The following KDM1B variants were observed in gnomAD, a reference collection of about 807,000 sequenced individuals.
KDM1B encodes lysine-specific histone demethylase 2.
KDM1B carries 63 observed loss-of-function variants against 107.4 expected under a neutral mutation model. The observed-to-expected ratio is 0.59, with a 90% CI of 0.48 to 0.72. The LOEUF (loss-of-function observed/expected upper bound fraction) is 0.72. Ranked by LOEUF, KDM1B falls within the 30% of genes least tolerant of loss-of-function variation. KDM1B has a pLI of 0.00. For missense variants in KDM1B, 749 were observed against 1,020.8 expected (o/e 0.73, Z 3.63); for synonymous variants, 363 against 363.9 (o/e 1.00, Z 0.03).
intron 7 of KDM1B, among the ~76,000 whole-genome samples, chr6:18,174,652 A>G (rs935061564): frequency 6.7e-6 from 1 of 149,232 alleles, no homozygotes; most frequent in Non-Finnish European, 1.5e-5. Context: ...TCATTGTGTC[A>G]TTCATATGCC....
In KDM1B at chr6:18,191,494, C is replaced by A; in HGVS notation, c.969+113C>A. ...TTATGCCAGGGTTTCTCAGCCGTGCCTCTGTTGACAATTTGGGCAGATAAT... is the reference window on the plus strand; with the variant it reads ...TTATGCCAGGGTTTCTCAGCCGTGCATCTGTTGACAATTTGGGCAGATAAT... On this transcript the variant is annotated intron_variant, in intron 10 of 21. Transcript: ENST00000650836. The surrounding 1 kb of genome is among the most constrained non-coding windows in gnomAD (Gnocchi z 5.1). The A allele has an allele frequency of 8.5e-7, 1 of 1,177,824 alleles. No individual in the cohort carries two copies. The highest frequency in any genetic ancestry group is 1.2e-6 in the Non-Finnish European group (1 of 849,048). 73.0% of individuals were successfully genotyped at this position (1,177,824 alleles called of 1,614,324 possible). A position where few individuals can be genotyped will look rare whatever the true frequency, so the allele number is the denominator to read the frequency against.
Position 18,221,668 on chromosome 6 carries a change from T to C in KDM1B, c.2386-241T>C, listed in dbSNP as rs566790798. Among the ~76,000 whole-genome samples the C allele has an allele frequency of 2.0e-5, 3 of 152,334 alleles. No individual in the cohort carries two copies. In the South Asian group the frequency reaches 6.2e-4, roughly 32 times the overall value. On this transcript the variant is annotated intron_variant, in intron 21 of 21. Transcript: ENST00000650836. ...GTTCTTAACTCTAGTACCTATCACA[T>C]ATACTTAGTATTTTAAAGAGTGCTG...
At chr6:18,158,746 TTC>T (rs1414423140) in intron 2 of KDM1B, among the ~76,000 whole-genome samples, 6 of 152,228 alleles carry the variant, frequency 3.9e-5, no homozygotes, top group Non-Finnish European at 8.8e-5. Context: ...TTGAAAAAAA[TTC>T]TGTTAGCTCT....
chr6:18,213,072 C>T lies in KDM1B; in HGVS notation c.1983+468C>T, dbSNP rs547240060. On this transcript the variant is annotated intron_variant, in intron 18 of 21. Transcript: ENST00000650836. The surrounding 1 kb of genome is among the most constrained non-coding windows in gnomAD (Gnocchi z 5.9). Reference sequence around the variant, plus strand: ...AGGAGTGAGTCTTAGGAATGCTGGGCATCTTCAGACTAGCTTCTAGGTTGC... The same window carrying T: ...AGGAGTGAGTCTTAGGAATGCTGGGTATCTTCAGACTAGCTTCTAGGTTGC... Among the ~76,000 whole-genome samples the T allele has an allele frequency of 6.6e-5, 10 of 152,268 alleles. No individual in the cohort carries two copies. The South Asian group carries it at 1.2e-3, about 19-fold the overall frequency.
chr6:18,166,233 A>G (rs372274489), intron 5 of KDM1B, 34 bp from the exon 6 acceptor site: 18 of 1,006,992 alleles, frequency 1.8e-5, no homozygotes, highest in Non-Finnish European at 2.9e-5. Context: ...CAATCGATAT[A>G]TTAATCGATA....
rs1440924113 is a variant in KDM1B at position 18,162,739 on chromosome 6, A to G, written c.216-96A>G. The G allele has an allele frequency of 3.3e-5, 23 of 702,818 alleles. No homozygotes were observed. The highest frequency in any genetic ancestry group is 7.0e-4 in the Middle Eastern group (2 of 2,858). The allele number at this position is 702,818 out of a possible 1,614,324, so 43.5% of individuals were successfully genotyped here. ...AGGGGCTAAGTGGAGATAATGCAAA[A>G]TGGGTTCATAGATGGTGCTTGCAAG... On this transcript the variant is annotated intron_variant, in intron 4 of 21. Coordinates refer to ENST00000650836, the MANE Select transcript of KDM1B (RefSeq NM_001364614.2). This position sits in a 1 kb window ranked among gnomAD's most constrained non-coding sequence, Gnocchi z 4.1.
chr6:18,221,851 C>T (rs956269944), intron 21 of KDM1B, 58 bp from the exon 22 acceptor site: 58 of 1,357,508 alleles, frequency 4.3e-5, no homozygotes, highest in Non-Finnish European at 5.6e-5. Context: ...CTTGTTTTAC[C>T]TTTTGATATC....
At chr6:18,218,274 C>A (rs897824465) in intron 21 of KDM1B, among the ~76,000 whole-genome samples, 11 of 152,204 alleles carry the variant, frequency 7.2e-5, no homozygotes, top group African/African-American at 2.4e-4. Flanking sequence ...GCATGTGCCA[C>A]CAAGCCTGGC....
At chr6:18,206,041 T>C (rs1216834780) in intron 15 of KDM1B, among the ~76,000 whole-genome samples, 4 of 152,096 alleles carry the variant, frequency 2.6e-5, no homozygotes, top group South Asian at 4.1e-4. Flanking sequence ...TGTCTAAATA[T>C]TGAATTTGAG....
chr6:18,180,866 A>G (rs941569788), intron 7 of KDM1B, among the ~76,000 whole-genome samples: 12 of 152,154 alleles, frequency 7.9e-5, no homozygotes, highest in Non-Finnish European at 1.0e-4. Context: ...GCTCCCGGCC[A>G]CTCTAGCTGT....
intron 7 of KDM1B, among the ~76,000 whole-genome samples, chr6:18,174,640 G>A (rs1785875614): frequency 6.6e-6 from 1 of 151,326 alleles, no homozygotes; most frequent in Non-Finnish European, 1.5e-5. Context: ...AGTCCCCAAA[G>A]TTCATTGTGT....
chr6:18,166,687 A>G (rs1208298897), intron 6 of KDM1B, among the ~76,000 whole-genome samples: 1 of 151,972 alleles, frequency 6.6e-6, no homozygotes, highest in East Asian at 1.9e-4. Flanking sequence ...TCTTTACAAA[A>G]AAAAATTTTT....
At chr6:18,166,789 G>C (rs1311073471) in intron 6 of KDM1B, among the ~76,000 whole-genome samples, 1 of 151,632 alleles carries the variant, frequency 6.6e-6, no homozygotes, top group Non-Finnish European at 1.5e-5. Flanking sequence ...AGGAGTTCAA[G>C]GCTGTAGTGA....
At chr6:18,215,268 A>G in intron 20 of KDM1B, 139 bp downstream of exon 20, 1 of 948,476 alleles carries the variant, frequency 1.1e-6, no homozygotes, top group Non-Finnish European at 1.5e-6. Flanking sequence ...TCAGAGTCCC[A>G]CTGCCCACCT....
Position 18,168,428 on chromosome 6 carries a change from A to G in KDM1B, c.417+2050A>G, listed in dbSNP as rs1785456304. 1.3e-5 allele frequency among the ~76,000 whole-genome samples: 2 copies of G among 152,212 alleles called. 1 individual carries two copies. The highest frequency in any genetic ancestry group is 2.9e-5 in the Non-Finnish European group (2 of 68,048). On this transcript the variant is annotated intron_variant, in intron 6 of 21. Transcript: ENST00000650836. ...TTTTGAGATTCATATCCATTGTAGG[A>G]TGTGTCAGTACTTCATTCTTTTTTA...
At chr6:18,210,964 C>T (rs141115807) in intron 17 of KDM1B, among the ~76,000 whole-genome samples, 94 of 152,238 alleles carry the variant, frequency 6.2e-4, no homozygotes, top group African/African-American at 2.3e-3. Flanking sequence ...CATGCCACTG[C>T]ACTCCAGCCG....
Position 18,223,368 on chromosome 6 carries a change from G to A in KDM1B, c.*1376G>A, listed in dbSNP as rs1789934677. The stretch of plus-strand genomic sequence containing the variant: ...CCCCGCCCCCCCCAATCAAAGTGTG[G>A]TCCCAAAACAAGCCAACAGCTGTAT... On this transcript the variant is annotated 3_prime_UTR_variant, in exon 22 of 22. Coordinates refer to ENST00000650836, the MANE Select transcript of KDM1B (RefSeq NM_001364614.2). 8.2e-6 allele frequency: 1 copy of A among 121,478 alleles called. No individual in the cohort carries two copies. Among genetic ancestry groups the A allele is most frequent in the Non-Finnish European group, 1.6e-5 (1 of 61,928 alleles). 7.5% of individuals were successfully genotyped at this position (121,478 alleles called of 1,614,324 possible).
intron 14 of KDM1B, among the ~76,000 whole-genome samples, chr6:18,202,595 G>A (rs1171296049): frequency 1.3e-5 from 2 of 152,146 alleles, no homozygotes; most frequent in African/African-American, 4.8e-5. Flanking sequence ...GTATTCACTT[G>A]TAGTTCTTGG....
intron 2 of KDM1B, among the ~76,000 whole-genome samples, chr6:18,156,134 C>T (rs1173881967): frequency 1.3e-5 from 2 of 152,182 alleles, no homozygotes; most frequent in African/African-American, 4.8e-5. Flanking sequence ...CACAGCCTTG[C>T]AGGTGTTGTA....
Sources: gnomAD v4.1 joint callset for allele counts (sites outside exome capture counted in the v4.1 genomes callset) on GRCh38, gnomAD v4.1.1 for gene constraint, Gnocchi (gnomAD v3.1) non-coding constraint, MANE v1.5 for transcripts, NCBI Gene and HGNC (gene_info 2026-07-23, HGNC 2026-07-21) for gene names.